The following ADAMTSL1 variants were observed in gnomAD, a reference collection of about 807,000 sequenced individuals.
ADAMTSL1 encodes ADAMTS-like protein 1.
In ADAMTSL1, 126 loss-of-function variants were observed where a neutral mutation model predicts 201.8. That is an observed-to-expected ratio of 0.62 (90% CI 0.54 to 0.72). ADAMTSL1 has a LOEUF of 0.72. Among genes scored for constraint, ADAMTSL1 ranks in the 30% least tolerant of loss-of-function variants. The pLI is 0.00. For missense variants in ADAMTSL1, 2,679 were observed against 2,277.8 expected (o/e 1.18, Z -3.59); for synonymous variants, 1,121 against 903.4 (o/e 1.24, Z -4.32).
intron 1 of ADAMTSL1, among the ~76,000 whole-genome samples, chr9:17,916,775 C>G (rs1826111782): frequency 6.6e-6 from 1 of 152,140 alleles, no homozygotes; most frequent in Non-Finnish European, 1.5e-5. Context: ...ATTGACTTGT[C>G]TATCCTGTAT....
At chr9:18,521,820 C>T (rs973308341) in intron 2 of ADAMTSL1, among the ~76,000 whole-genome samples, 4 of 152,022 alleles carry the variant, frequency 2.6e-5, no homozygotes, top group Non-Finnish European at 4.4e-5. Flanking sequence ...TTTTTAAGTA[C>T]AAGAGTAAAG....
chr9:18,139,791 A>G (rs1826320226), intron 1 of ADAMTSL1, among the ~76,000 whole-genome samples: 1 of 152,124 alleles, frequency 6.6e-6, no homozygotes, highest in Non-Finnish European at 1.5e-5. Context: ...TGAATTTTGA[A>G]TTTTACATTA....
intron 20 of ADAMTSL1, among the ~76,000 whole-genome samples, chr9:18,812,967 C>CTTTTTTTTTT (rs35159482): frequency 8.4e-6 from 1 of 118,646 alleles, no homozygotes; most frequent in African/African-American, 3.4e-5. Context: ...CAGCTATGTA[C>CTTTTTTTTTT]TTTTTTTTTT....
chr9:18,348,966 C>T (rs1001158548), intron 2 of ADAMTSL1, among the ~76,000 whole-genome samples: 1 of 152,174 alleles, frequency 6.6e-6, no homozygotes, highest in African/African-American at 2.4e-5. Flanking sequence ...ATTTAATCCT[C>T]ATGTTGACCA....
intron 4 of ADAMTSL1, among the ~76,000 whole-genome samples, chr9:18,602,762 A>AATC (rs987181798): frequency 2.0e-5 from 3 of 152,210 alleles, no homozygotes; most frequent in Non-Finnish European, 2.9e-5. Flanking sequence ...TTCTGTAGGT[A>AATC]ATCTATGATA....
chr9:18,062,179 A>G (rs1353838490), intron 1 of ADAMTSL1, among the ~76,000 whole-genome samples: 3 of 152,216 alleles, frequency 2.0e-5, no homozygotes, highest in Admixed American at 6.5e-5. Context: ...AACCTTAGTG[A>G]TTCAATTTCT....
intron 2 of ADAMTSL1, among the ~76,000 whole-genome samples, chr9:18,421,113 G>T (rs1466928539): frequency 6.6e-6 from 1 of 152,164 alleles, no homozygotes; most frequent in Non-Finnish European, 1.5e-5. Flanking sequence ...GGGTAAGAGA[G>T]GTCCCACATC....
chr9:18,413,695 C>T (rs1818551021), intron 2 of ADAMTSL1, among the ~76,000 whole-genome samples: 2 of 152,102 alleles, frequency 1.3e-5, no homozygotes, highest in South Asian at 2.1e-4. Flanking sequence ...TCAATTACAC[C>T]AGAGCCCAAC....
intron 2 of ADAMTSL1, among the ~76,000 whole-genome samples, chr9:18,241,718 G>C (rs1350085307): frequency 6.6e-6 from 1 of 152,032 alleles, no homozygotes; most frequent in African/African-American, 2.4e-5. Flanking sequence ...AATAAAAAAG[G>C]ATCATAAGGG....
chr9:18,481,027 G>C (rs1821702762), intron 1 of ADAMTSL1, among the ~76,000 whole-genome samples: 1 of 152,142 alleles, frequency 6.6e-6, no homozygotes, highest in South Asian at 2.1e-4. Flanking sequence ...AACAGAAAAA[G>C]ATGCTGAGAA....
chr9:18,538,230 G>A (rs145265882), intron 3 of ADAMTSL1, among the ~76,000 whole-genome samples: 1,674 of 152,222 alleles, frequency 0.011, 29 homozygotes, highest in African/African-American at 0.038. Context: ...ATTTGGGTAT[G>A]TTCTAGAGAT....
intron 1 of ADAMTSL1, among the ~76,000 whole-genome samples, chr9:18,117,710 GC>G (rs1222903328): frequency 6.6e-6 from 1 of 152,100 alleles, no homozygotes; most frequent in Non-Finnish European, 1.5e-5. Flanking sequence ...CTTCTCAGGG[GC>G]AGGGGTCTTT....
At chr9:17,957,410 C>A (rs1041374578) in intron 1 of ADAMTSL1, among the ~76,000 whole-genome samples, 6 of 152,116 alleles carry the variant, frequency 3.9e-5, no homozygotes, top group African/African-American at 1.4e-4. Flanking sequence ...TCGACAGATG[C>A]CACCACCAAG....
chr9:18,699,345 G>C (rs1282761272), intron 13 of ADAMTSL1, among the ~76,000 whole-genome samples: 1 of 137,150 alleles, frequency 7.3e-6, no homozygotes, highest in African/African-American at 2.7e-5. Context: ...TTTTTTGAGA[G>C]ACTGGGTCTT....
intron 1 of ADAMTSL1, among the ~76,000 whole-genome samples, chr9:17,917,731 A>G (rs576395113): frequency 4.1e-4 from 62 of 151,972 alleles, no homozygotes; most frequent in Non-Finnish European, 7.4e-4. Context: ...CTTATTTTCA[A>G]CTTTCTGCAA....
At chr9:17,931,308 C>G (rs1826774881) in intron 1 of ADAMTSL1, among the ~76,000 whole-genome samples, 2 of 152,132 alleles carry the variant, frequency 1.3e-5, no homozygotes, top group South Asian at 4.1e-4. Context: ...TAACTCCGTT[C>G]CTTAGCAGAA....
Position 18,817,168 on chromosome 9 carries a change from A to G in ADAMTSL1, c.3865A>G (p.Thr1289Ala), listed in dbSNP as rs1823913762. 6.3e-7 allele frequency: 1 copy of G among 1,593,020 alleles called. No individual in the cohort carries two copies. The highest frequency in any genetic ancestry group is 1.3e-5 in the African/African-American group (1 of 74,832). ...GATCAACACGGAGAAGCCTGCAGTC[A>G]CAGTCGATATAGGAAGCACCATCAA... ...TVINTEKPAV[T>A]VDIGSTIKTV... is the part of the protein sequence containing the mutation. The change falls in exon 21 of 29, where the codon ACA becomes GCA. Residue 1289 changes from threonine to alanine, a missense_variant. Transcript: ENST00000380548.
chr9:18,418,308 G>C (rs1364674783), intron 2 of ADAMTSL1, among the ~76,000 whole-genome samples: 1 of 152,172 alleles, frequency 6.6e-6, no homozygotes, highest in Non-Finnish European at 1.5e-5. Context: ...ACTGGGGAAG[G>C]CAGTGATGTC....
At chr9:18,577,857 C>T (rs1299386182) in intron 4 of ADAMTSL1, among the ~76,000 whole-genome samples, 1 of 151,992 alleles carries the variant, frequency 6.6e-6, no homozygotes, top group African/African-American at 2.4e-5. Context: ...ATGTACTATC[C>T]CCATCATCAT....
Sources: allele counts gnomAD v4.1 joint callset (sites outside exome capture counted in the v4.1 genomes callset), GRCh38; gene constraint gnomAD v4.1.1; transcripts MANE v1.5; gene names NCBI Gene and HGNC (gene_info 2026-07-23, HGNC 2026-07-21).